The following RGS7 variants were observed in gnomAD, a reference collection of about 807,000 sequenced individuals.
RGS7 encodes the protein regulator of G-protein signaling 7.
RGS7 carries 27 observed loss-of-function variants against 81.1 expected under a neutral mutation model. The observed-to-expected ratio is 0.33, with a 90% CI of 0.25 to 0.46. RGS7 has a LOEUF of 0.46. RGS7 is among the 20% of genes least tolerant of loss of function. RGS7 has a pLI of 1.00. For synonymous variants in RGS7, 208 were observed against 207.7 expected, an observed-to-expected ratio of 1.00 and a Z score of -0.01; for missense variants, 396 against 607.4, an observed-to-expected ratio of 0.65 and a Z score of 3.66.
Position 241,327,121 on chromosome 1 carries a change from A to AGAAAGAAG in RGS7, c.78+28577_78+28578insCTTCTTTC, listed in dbSNP as rs1553320815. On this transcript the variant is annotated intron_variant, in intron 2 of 18. Transcript: ENST00000440928. Reference sequence around the variant, plus strand: ...AAGAAAGAAAGAAAGAAAGAAAGAAAGAAAGAAAGAAAGAAAGAAAGAAAG... The same window carrying AGAAAGAAG: ...AAGAAAGAAAGAAAGAAAGAAAGAAAGAAAGAAGGAAAGAAAGAAAGAAAGAAAGAAAG... 9.5e-4 allele frequency among the ~76,000 whole-genome samples: 106 copies of AGAAAGAAG among 111,564 alleles called. 8 individuals carry two copies. The highest frequency in any genetic ancestry group is 3.5e-3 in the African/African-American group (103 of 29,182). The allele number at this position is 111,564 out of a possible 152,430, so 73.2% of individuals were successfully genotyped here.
chr1:241,341,149 T>A (rs2082521637), intron 2 of RGS7, among the ~76,000 whole-genome samples: 2 of 152,140 alleles, frequency 1.3e-5, no homozygotes, highest in African/African-American at 4.8e-5. Context: ...GTAGAAATGG[T>A]TTGGTTTCTT....
chr1:240,816,505 A>G, intron 10 of RGS7, 90 bp from the exon 11 acceptor site: 1 of 817,136 alleles, frequency 1.2e-6, no homozygotes, highest in Admixed American at 1.9e-5. Context: ...TAAATTCAGT[A>G]AGGTCTCTCA....
At chr1:240,788,352 A>G (rs1376860756) in intron 18 of RGS7, among the ~76,000 whole-genome samples, 1 of 152,236 alleles carries the variant, frequency 6.6e-6, no homozygotes, top group Admixed American at 6.5e-5. Context: ...TGGTTGCAGA[A>G]ATGTGAGGAC....
chr1:241,311,925 A>C (rs1417069566), intron 2 of RGS7, among the ~76,000 whole-genome samples: 1 of 152,232 alleles, frequency 6.6e-6, no homozygotes, highest in Non-Finnish European at 1.5e-5. Context: ...ACCTCAGCGC[A>C]GCTCTGAGCT....
intron 18 of RGS7, among the ~76,000 whole-genome samples, chr1:240,799,293 G>A (rs1376771817): frequency 0.026 from 3,822 of 145,934 alleles, 60 homozygotes; most frequent in East Asian, 0.098. Context: ...ATGTTTGTGT[G>A]TGTGTGTGTG....
intron 2 of RGS7, among the ~76,000 whole-genome samples, chr1:241,217,842 C>T (rs1162267976): frequency 6.6e-6 from 1 of 152,180 alleles, no homozygotes; most frequent in Non-Finnish European, 1.5e-5. Flanking sequence ...TGAAAACTGA[C>T]AATAAAGAAT....
rs115234771 is a variant in RGS7 at position 241,051,081 on chromosome 1, G to A, written c.175+47585C>T. ...GTACTCTTGCCCTACAAATGTTAGGGGTGGGTCTGGGTGCCTGTCCATCAA... is the reference window on the plus strand; with the variant it reads ...GTACTCTTGCCCTACAAATGTTAGGAGTGGGTCTGGGTGCCTGTCCATCAA... On this transcript the variant is annotated intron_variant, in intron 3 of 18. Transcript: ENST00000440928. 7.6e-3 allele frequency among the ~76,000 whole-genome samples: 1,157 copies of A among 152,218 alleles called. 18 individuals carry two copies. The highest frequency in any genetic ancestry group is 0.027 in the African/African-American group (1,108 of 41,524).
At chr1:240,836,131 C>T (rs942009036) in intron 9 of RGS7, among the ~76,000 whole-genome samples, 30 of 126,788 alleles carry the variant, frequency 2.4e-4, no homozygotes, top group Non-Finnish European at 9.5e-5. Context: ...ACAAATGTAC[C>T]GCTCTGGTGG....
chr1:241,169,336 C>CTTTTTTTTTTTTTTTTTTT, intron 2 of RGS7, among the ~76,000 whole-genome samples: 1 of 74,274 alleles, frequency 1.3e-5, no homozygotes, highest in Non-Finnish European at 2.4e-5. Flanking sequence ...ATGTGTGTTT[C>CTTTTTTTTTTTTTTTTTTT]TTTTTTTTTT....
intron 2 of RGS7, among the ~76,000 whole-genome samples, chr1:241,224,132 A>G (rs1347083297): frequency 6.6e-6 from 1 of 151,866 alleles, no homozygotes; most frequent in Non-Finnish European, 1.5e-5. Context: ...GTTCTGGGGT[A>G]CATGTGCAGA....
intron 3 of RGS7, among the ~76,000 whole-genome samples, chr1:241,045,511 C>T (rs1479623875): frequency 6.6e-6 from 1 of 151,994 alleles, no homozygotes; most frequent in Admixed American, 6.6e-5. Flanking sequence ...TTACAGGTGC[C>T]CACAACCATG....
chr1:240,865,282 G>T (rs191370113), intron 9 of RGS7, among the ~76,000 whole-genome samples: 1 of 152,194 alleles, frequency 6.6e-6, no homozygotes, highest in African/African-American at 2.4e-5. Flanking sequence ...TTTACTGGTT[G>T]TTGGCTGACA....
chr1:241,192,159 GGTGTGTGT>G (rs58714151), intron 2 of RGS7, among the ~76,000 whole-genome samples: 4,720 of 121,936 alleles, frequency 0.039, 105 homozygotes, highest in African/African-American at 0.051. Flanking sequence ...AGAGAAAACA[GGTGTGTGT>G]GTGTGTGTGT....
At position 241,336,556 on chromosome 1, in the gene RGS7, C is replaced by A. The variant is rs375309137; in HGVS notation, c.78+19143G>T. Among the ~76,000 whole-genome samples the A allele has an allele frequency of 3.5e-4, 53 of 152,324 alleles. 1 individual carries two copies. The South Asian group carries it at 0.011, about 32-fold the overall frequency. On this transcript the variant is annotated intron_variant, in intron 2 of 18. Transcript: ENST00000440928. ...TATGGTTACATTTCAACAGTGTCTG[C>A]AGCTGTAACTCATGCTTCCTCCTTC...
intron 7 of RGS7, among the ~76,000 whole-genome samples, chr1:240,869,092 A>T (rs1328248536): frequency 1.3e-5 from 2 of 152,182 alleles, no homozygotes; most frequent in Non-Finnish European, 2.9e-5. Context: ...ACTTTGGAGA[A>T]CAGGACTACA....
chr1:241,350,947 C>T lies in RGS7; in HGVS notation c.78+4752G>A, dbSNP rs1000264587. On this transcript the variant is annotated intron_variant, in intron 2 of 18. Coordinates refer to ENST00000440928, the MANE Select transcript of RGS7 (RefSeq NM_001364886.1). ...AGTCTCTTCCAGAGAAGAAATCAAGCCACTCCTCTCTCTGGCAAGTATGTC... is the reference window on the plus strand; with the variant it reads ...AGTCTCTTCCAGAGAAGAAATCAAGTCACTCCTCTCTCTGGCAAGTATGTC... Among the ~76,000 whole-genome samples, 3 of 152,210 alleles carry T rather than the reference C, an allele frequency of 2.0e-5. No homozygotes were observed. In the East Asian group the frequency reaches 5.8e-4, roughly 29 times the overall value.
chr1:241,132,738 A>ATTAT (rs142162115), intron 2 of RGS7, among the ~76,000 whole-genome samples: 15,255 of 142,580 alleles, frequency 0.11, 1,561 homozygotes, highest in East Asian at 0.38. Flanking sequence ...AATTCAACTT[A>ATTAT]TTATTTGTTT....
chr1:241,134,443 GTAT>G (rs2067345567), intron 2 of RGS7, among the ~76,000 whole-genome samples: 1 of 152,122 alleles, frequency 6.6e-6, no homozygotes, highest in East Asian at 1.9e-4. Context: ...ACCTACATAT[GTAT>G]ATAAAATGCA....
At chr1:241,192,207 T>TGTGTGTGTGTGTGTG (rs2072725912) in intron 2 of RGS7, among the ~76,000 whole-genome samples, 6 of 144,390 alleles carry the variant, frequency 4.2e-5, no homozygotes, top group Non-Finnish European at 6.1e-5. Context: ...TGTGTGTGTG[T>TGTGTGTGTGTGTGTG]TTTGCTTTGA....
Sources: gnomAD v4.1 joint callset for allele counts (sites outside exome capture counted in the v4.1 genomes callset) on GRCh38, gnomAD v4.1.1 for gene constraint, MANE v1.5 for transcripts, NCBI Gene and HGNC (gene_info 2026-07-23, HGNC 2026-07-21) for gene names.